SRPK2: variants seen among roughly 807,000 people sequenced by gnomAD.
The protein encoded by SRPK2 is SFRS protein kinase 2.
SRPK2 carries 21 observed loss-of-function variants against 90.8 expected under a neutral mutation model. The observed-to-expected ratio is 0.23, with a 90% CI of 0.16 to 0.33. The LOEUF (loss-of-function observed/expected upper bound fraction) is 0.33, where lower values mean the gene tolerates loss of function less well. Among genes scored for constraint, SRPK2 ranks in the 10% least tolerant of loss-of-function variants. The pLI, the probability that SRPK2 is intolerant of heterozygous loss-of-function variation, is 1.00. For synonymous variants in SRPK2, 288 were observed against 311.1 expected, an observed-to-expected ratio of 0.93 and a Z score of 0.78; for missense variants, 620 against 869.0, an observed-to-expected ratio of 0.71 and a Z score of 3.60.
chr7:105,241,696 T>C (rs1289903888), intron 2 of SRPK2, among the ~76,000 whole-genome samples: 3 of 152,144 alleles, frequency 2.0e-5, no homozygotes, highest in African/African-American at 4.8e-5. Context: ...CACGCAACAA[T>C]CTATTCCTTT....
intron 2 of SRPK2, among the ~76,000 whole-genome samples, chr7:105,288,577 G>A (rs1312442399): frequency 6.6e-6 from 1 of 152,068 alleles, no homozygotes; most frequent in African/African-American, 2.4e-5. Flanking sequence ...CCGAGCGACA[G>A]TGCAAAGTGC....
intron 11 of SRPK2, among the ~76,000 whole-genome samples, chr7:105,135,389 A>C (rs969489430): frequency 2.6e-5 from 4 of 152,140 alleles, no homozygotes; most frequent in African/African-American, 9.7e-5. Context: ...TGACCAGCTG[A>C]ACCATCGTCT....
At chr7:105,279,732 T>C (rs1183490318) in intron 2 of SRPK2, among the ~76,000 whole-genome samples, 1 of 152,236 alleles carries the variant, frequency 6.6e-6, no homozygotes, top group Non-Finnish European at 1.5e-5. Flanking sequence ...AACCAATCTC[T>C]GAAAACTATC....
chr7:105,159,303 C>A (rs111416158), intron 7 of SRPK2, among the ~76,000 whole-genome samples: 1 of 151,604 alleles, frequency 6.6e-6, no homozygotes, highest in African/African-American at 2.4e-5. Context: ...CTGGGCAACA[C>A]GGTGAAACCC....
chr7:105,340,217 GA>G (rs1477826723), intron 2 of SRPK2, among the ~76,000 whole-genome samples: 1 of 151,980 alleles, frequency 6.6e-6, no homozygotes, highest in East Asian at 1.9e-4. Flanking sequence ...TTCTGTGCGA[GA>G]AAATAGGAAG....
In SRPK2 at chr7:105,220,945, G is replaced by A. The variant is rs1798023845; in HGVS notation, c.72-17160C>T. ...ATACAATAATTTTTTGGTACTGGAG[G>A]TAAATAAGAGTAGAAAATGAAAAAA... On this transcript the variant is annotated intron_variant, in intron 2 of 15. Coordinates refer to ENST00000393651, the MANE Select transcript of SRPK2 (RefSeq NM_182692.3). 2.6e-5 allele frequency among the ~76,000 whole-genome samples: 4 copies of A among 152,154 alleles called. No individual in the cohort carries two copies. The South Asian group carries it at 6.2e-4, about 24-fold the overall frequency.
chr7:105,140,578 G>A (rs761160695), intron 11 of SRPK2, among the ~76,000 whole-genome samples: 1 of 151,980 alleles, frequency 6.6e-6, no homozygotes, highest in Non-Finnish European at 1.5e-5. Flanking sequence ...TCCAGCCTGG[G>A]CAACTAGAGT....
intron 2 of SRPK2, among the ~76,000 whole-genome samples, chr7:105,328,538 AGTGACAGAGCCAGGCTCT>A (rs1271308716): frequency 8.0e-4 from 86 of 107,360 alleles, no homozygotes; most frequent in Non-Finnish European, 1.2e-3. Context: ...CTCCAGCCTC[AGTGACAGAGCCAGGCTCT>A]GTCTCAAAAA....
chr7:105,297,379 T>C, intron 2 of SRPK2: 1 of 779,434 alleles, frequency 1.3e-6, no homozygotes. Flanking sequence ...ACAGGTAGAA[T>C]ACAGCTATCA....
intron 2 of SRPK2, among the ~76,000 whole-genome samples, chr7:105,331,322 A>AAAAC (rs1324441661): frequency 7.5e-6 from 1 of 133,750 alleles, no homozygotes; most frequent in Non-Finnish European, 1.6e-5. Context: ...AAAAAAAAAA[A>AAAAC]AAAAAAAAAA....
chr7:105,319,859 CCTTT>C (rs776751056), intron 2 of SRPK2, among the ~76,000 whole-genome samples: 2 of 146,764 alleles, frequency 1.4e-5, no homozygotes, highest in African/African-American at 2.5e-5. Flanking sequence ...CACTTCCCCC[CCTTT>C]TTTTTTTTTT....
At chr7:105,356,208 A>G (rs1817768012) in intron 2 of SRPK2, among the ~76,000 whole-genome samples, 1 of 152,166 alleles carries the variant, frequency 6.6e-6, no homozygotes, top group African/African-American at 2.4e-5. Flanking sequence ...GGAGAAAGCA[A>G]GAGCCTCTCC....
chr7:105,199,600 A>C (rs1240112857), intron 3 of SRPK2, among the ~76,000 whole-genome samples: 5 of 152,180 alleles, frequency 3.3e-5, no homozygotes, highest in Non-Finnish European at 7.3e-5. Flanking sequence ...AGGGAAATCA[A>C]TCAACTAAGT....
chr7:105,373,431 C>T lies in SRPK2; in HGVS notation c.71+15217G>A, dbSNP rs192941216. On this transcript the variant is annotated intron_variant, in intron 2 of 15. Transcript: ENST00000393651. ...TTTTTTTTTTTTTTTGAAACAAAGTCTCACTCTGTTGCCCAGGATGGAGTG... is the reference window on the plus strand; with the variant it reads ...TTTTTTTTTTTTTTTGAAACAAAGTTTCACTCTGTTGCCCAGGATGGAGTG... Among the ~76,000 whole-genome samples the T allele has an allele frequency of 6.3e-3, 752 of 120,264 alleles. 4 individuals carry two copies. The highest frequency in any genetic ancestry group is 0.011 in the Admixed American group (108 of 9,940). 78.9% of individuals were successfully genotyped at this position (120,264 alleles called of 152,430 possible).
At chr7:105,181,215 A>G (rs1331504489) in intron 3 of SRPK2, among the ~76,000 whole-genome samples, 1 of 152,212 alleles carries the variant, frequency 6.6e-6, no homozygotes, top group Non-Finnish European at 1.5e-5. Context: ...TCACAAAATT[A>G]ACAGATGTTG....
At chr7:105,360,860 A>G (rs1276635201) in intron 2 of SRPK2, among the ~76,000 whole-genome samples, 1 of 152,164 alleles carries the variant, frequency 6.6e-6, no homozygotes, top group Non-Finnish European at 1.5e-5. Flanking sequence ...ACAAACCCAC[A>G]GCCAATATCA....
intron 2 of SRPK2, among the ~76,000 whole-genome samples, chr7:105,325,524 G>C (rs1813469583): frequency 7.1e-6 from 1 of 139,880 alleles, no homozygotes; most frequent in Non-Finnish European, 1.5e-5. Flanking sequence ...TTATTTAATG[G>C]CATCATTTTC....
intron 2 of SRPK2, among the ~76,000 whole-genome samples, chr7:105,370,824 C>T (rs1467871040): frequency 6.6e-6 from 1 of 151,894 alleles, no homozygotes; most frequent in African/African-American, 2.4e-5. Flanking sequence ...CCATGTTGCC[C>T]AGGCTGGTCT....
At chr7:105,370,948 T>C (rs1196080360) in intron 2 of SRPK2, among the ~76,000 whole-genome samples, 2 of 152,102 alleles carry the variant, frequency 1.3e-5, no homozygotes, top group African/African-American at 4.8e-5. Flanking sequence ...TAGCAAAGCT[T>C]TAACTAGAAA....
Sources: allele counts gnomAD v4.1 joint callset (sites outside exome capture counted in the v4.1 genomes callset), GRCh38; gene constraint gnomAD v4.1.1; transcripts MANE v1.5; gene names NCBI Gene and HGNC (gene_info 2026-07-23, HGNC 2026-07-21).